ERG: variants seen among roughly 807,000 people sequenced by gnomAD.
The protein encoded by ERG is ETS transcription factor ERG, also known as transcriptional regulator ERG.
Under a neutral mutation model 55.3 loss-of-function variants are expected in ERG, and 9 were observed. The observed-to-expected ratio is 0.16, with a 90% CI of 0.10 to 0.28. The LOEUF (loss-of-function observed/expected upper bound fraction) is 0.28. Among genes scored for constraint, ERG ranks in the 10% least tolerant of loss-of-function variants. The pLI, the probability that ERG is intolerant of heterozygous loss-of-function variation, is 1.00. For missense variants in ERG, 434 were observed against 631.6 expected (o/e 0.69, Z 3.35); for synonymous variants, 223 against 237.3 (o/e 0.94, Z 0.55).
chr21:38,573,369 C>T (rs1331430056), intron 2 of ERG, among the ~76,000 whole-genome samples: 1 of 152,216 alleles, frequency 6.6e-6, no homozygotes. Context: ...AGAGGAAGGC[C>T]ACTGTCTCCT....
At chr21:38,478,993 C>A (rs2059213523) in intron 1 of ERG, among the ~76,000 whole-genome samples, 1 of 152,090 alleles carries the variant, frequency 6.6e-6, no homozygotes, top group African/African-American at 2.4e-5. Context: ...TTGCATGTCT[C>A]GACACTTACC....
At position 38,380,696 on chromosome 21, in the gene ERG, TATC is replaced by T; in HGVS notation, c.*2704_*2706del. ...TTATGTATTTGAAGGAACTCAGTAT[TATC>T]ATGTTATCCAAAATTATCCCAGTTG... On this transcript the variant is annotated 3_prime_UTR_variant, in exon 10 of 10. Coordinates refer to ENST00000288319, the MANE Select transcript of ERG (RefSeq NM_182918.4). The T allele has an allele frequency of 9.4e-7, 1 of 1,065,022 alleles. No individual in the cohort carries two copies. The highest frequency in any genetic ancestry group is 1.1e-6 in the Non-Finnish European group (1 of 879,148). The allele number at this position is 1,065,022 out of a possible 1,614,324, so 66.0% of individuals were successfully genotyped here. A position where few individuals can be genotyped will look rare whatever the true frequency, so the allele number is the denominator to read the frequency against.
chr21:38,444,446 T>C (rs570569373), intron 2 of ERG, among the ~76,000 whole-genome samples: 61 of 152,344 alleles, frequency 4.0e-4, no homozygotes, highest in South Asian at 2.3e-3. Context: ...GAGCTGTTCT[T>C]ATGACCTGAT....
At position 38,382,275 on chromosome 21, in the gene ERG, G is replaced by T; in HGVS notation, c.*1128C>A. ...ACTTGTATACTTCATTCTGACAAAC[G>T]CACAGCGTTCGCGACTCAAAGGAAA... On this transcript the variant is annotated 3_prime_UTR_variant, in exon 10 of 10. Coordinates refer to ENST00000288319, the MANE Select transcript of ERG (RefSeq NM_182918.4). 1 of 1,051,364 alleles carries T rather than the reference G, an allele frequency of 9.5e-7. No individual in the cohort carries two copies. Among genetic ancestry groups the T allele is most frequent in the Non-Finnish European group, 1.1e-6 (1 of 870,254 alleles). The allele number at this position is 1,051,364 out of a possible 1,614,324, so 65.1% of individuals were successfully genotyped here. A position where few individuals can be genotyped will look rare whatever the true frequency, so the allele number is the denominator to read the frequency against.
intron 2 of ERG, among the ~76,000 whole-genome samples, chr21:38,528,659 AG>A (rs1241239394): frequency 4.5e-5 from 2 of 44,700 alleles, no homozygotes; most frequent in East Asian, 6.0e-4. Flanking sequence ...CTTGTTAGCC[AG>A]GATGGTCTCG....
At chr21:38,419,259 G>C (rs1359366497) in intron 3 of ERG, among the ~76,000 whole-genome samples, 1 of 152,228 alleles carries the variant, frequency 6.6e-6, no homozygotes, top group Non-Finnish European at 1.5e-5. Flanking sequence ...ACAAACCAGG[G>C]CTGCCCAGAA....
At chr21:38,400,336 G>A (rs375178395) in intron 6 of ERG, 1 of 624,618 alleles carries the variant, frequency 1.6e-6, no homozygotes, top group Admixed American at 2.1e-5. Flanking sequence ...TTGCCCATCT[G>A]TCTTTCTGAA....
At chr21:38,597,382 G>A (rs1327185228) in intron 1 of ERG, among the ~76,000 whole-genome samples, 1 of 151,504 alleles carries the variant, frequency 6.6e-6, no homozygotes, top group African/African-American at 2.4e-5. Context: ...ATAAACACAC[G>A]TGTGTGTACA....
chr21:38,487,352 A>G (rs989477143), intron 1 of ERG, among the ~76,000 whole-genome samples: 2 of 152,166 alleles, frequency 1.3e-5, no homozygotes, highest in Non-Finnish European at 2.9e-5. Flanking sequence ...CTCCTATAAT[A>G]ATTGTTTTTC....
At chr21:38,609,235 A>G (rs56133221) in intron 1 of ERG, among the ~76,000 whole-genome samples, 12,760 of 152,214 alleles carry the variant, frequency 0.084, 1,062 homozygotes, top group African/African-American at 0.22. Flanking sequence ...CACCACTTAT[A>G]CAAAGATCTG....
chr21:38,613,520 C>A (rs1351169680), intron 1 of ERG, among the ~76,000 whole-genome samples: 1 of 152,224 alleles, frequency 6.6e-6, no homozygotes, highest in Admixed American at 6.5e-5. Context: ...AGGGCCCTCT[C>A]CCAAATAGCT....
In ERG at chr21:38,639,007, A is replaced by G. The variant is rs148890879; in HGVS notation, c.-150+22651T>C. ...GATCTTCCCTCTACTTCACCCTCAGAACCCTGCAGCCAGGCTCTAACAACC... is the reference window on the plus strand; with the variant it reads ...GATCTTCCCTCTACTTCACCCTCAGGACCCTGCAGCCAGGCTCTAACAACC... On this transcript the variant is annotated intron_variant, in intron 1 of 10. Transcript: ENST00000398910. 1.5e-3 allele frequency among the ~76,000 whole-genome samples: 222 copies of G among 152,246 alleles called. 1 individual carries two copies. The South Asian group carries it at 0.027, about 19-fold the overall frequency.
At chr21:38,444,726 GA>G (rs112449752) in intron 2 of ERG, among the ~76,000 whole-genome samples, 29 of 134,152 alleles carry the variant, frequency 2.2e-4, no homozygotes, top group Middle Eastern at 3.6e-3. Context: ...CTAAGAGGAG[GA>G]AAAAAAAAAA....
At chr21:38,631,313 T>C (rs1243096872) in intron 1 of ERG, among the ~76,000 whole-genome samples, 1 of 152,046 alleles carries the variant, frequency 6.6e-6, no homozygotes, top group Non-Finnish European at 1.5e-5. Flanking sequence ...CATACTCACA[T>C]GGTTAAGAGA....
At chr21:38,589,882 T>C (rs1474104075), upstream of ERG, among the ~76,000 whole-genome samples, 2 of 152,178 alleles carry the variant, frequency 1.3e-5, no homozygotes, top group South Asian at 2.1e-4. Context: ...GTCATTTTTG[T>C]TGTTATTGTT....
At position 38,383,655 on chromosome 21, in the gene ERG, G is replaced by A. The variant is rs757591000; in HGVS notation, c.1188C>T (p.Ala396=). 12 of 1,614,026 alleles carry A rather than the reference G, an allele frequency of 7.4e-6. No individual in the cohort carries two copies. The highest frequency in any genetic ancestry group is 1.0e-5 in the Non-Finnish European group (12 of 1,180,040). The part of the protein sequence containing the change: ...YAYKFDFHGI[A]QALQPHPPES... ...CCGGGGGGTGGGGCTGGAGGGCCTG[G>A]GCGATCCCGTGGAAGTCGAACTTGT... The change falls in exon 10 of 10, where the codon GCC becomes GCT. Residue 396 remains alanine, a synonymous_variant. Coordinates refer to ENST00000288319, the MANE Select transcript of ERG (RefSeq NM_182918.4). This position sits in a 1 kb window ranked among gnomAD's most constrained non-coding sequence, Gnocchi z 5.7.
At position 38,655,485 on chromosome 21, in the gene ERG, A is replaced by G. The variant is rs142771422; in HGVS notation, c.-150+6173T>C. On this transcript the variant is annotated intron_variant, in intron 1 of 10. Coordinates refer to the ERG transcript ENST00000398910. ...TTCAGCATCTCCCACCATACATTGC[A>G]AATGGATAATTAGCTTGATTGCTAG... Among the ~76,000 whole-genome samples the G allele has an allele frequency of 2.8e-3, 426 of 152,336 alleles. 3 individuals are homozygous for G. Among genetic ancestry groups the G allele is most frequent in the African/African-American group, 9.3e-3 (387 of 41,578 alleles).
chr21:38,560,029 C>A (rs1424028134), intron 2 of ERG, among the ~76,000 whole-genome samples: 1 of 152,174 alleles, frequency 6.6e-6, no homozygotes, highest in Non-Finnish European at 1.5e-5. Flanking sequence ...TGGCACTTGA[C>A]AGTAGTGGGA....
intron 1 of ERG, among the ~76,000 whole-genome samples, chr21:38,469,647 T>C (rs964608509): frequency 6.6e-6 from 1 of 152,194 alleles, no homozygotes; most frequent in African/African-American, 2.4e-5. Context: ...TTTTTTACTA[T>C]CAAATACATG....
Sources: gnomAD v4.1 joint callset for allele counts (sites outside exome capture counted in the v4.1 genomes callset) on GRCh38, gnomAD v4.1.1 for gene constraint, Gnocchi (gnomAD v3.1) non-coding constraint, MANE v1.5 for transcripts, NCBI Gene and HGNC (gene_info 2026-07-23, HGNC 2026-07-21) for gene names.